The following RPS6KC1 variants were observed in gnomAD, a reference collection of about 807,000 sequenced individuals.
The protein encoded by RPS6KC1 is ribosomal protein S6 kinase C1.
RPS6KC1 carries 54 observed loss-of-function variants against 103.8 expected under a neutral mutation model. The observed-to-expected ratio is 0.52, with a 90% CI of 0.42 to 0.65. The LOEUF is 0.65. Among genes scored for constraint, RPS6KC1 ranks in the 30% least tolerant of loss-of-function variants. The pLI is 0.00. For missense variants in RPS6KC1, 1,151 were observed against 1,253.8 expected (o/e 0.92, Z 1.24); for synonymous variants, 439 against 438.7 (o/e 1.00, Z -0.01).
chr1:213,075,296 A>T (rs2079229275), intron 2 of RPS6KC1, among the ~76,000 whole-genome samples: 1 of 152,164 alleles, frequency 6.6e-6, no homozygotes, highest in East Asian at 1.9e-4. Context: ...TGCTTACATA[A>T]GCCCATCAAC....
the RPS6KC1 span, among the ~76,000 whole-genome samples, chr1:213,790,204 T>A: frequency 6.6e-6 from 1 of 152,174 alleles, no homozygotes; most frequent in Non-Finnish European, 1.5e-5. Context: ...GTGGTAGCTA[T>A]AAACTACCTT....
chr1:213,662,671 C>T, the RPS6KC1 span, among the ~76,000 whole-genome samples: 1 of 152,026 alleles, frequency 6.6e-6, no homozygotes, highest in Non-Finnish European at 1.5e-5. Context: ...AGAATGAAAC[C>T]GTCAGCCTGG....
At chr1:213,219,986 A>C (rs906557896) in intron 8 of RPS6KC1, among the ~76,000 whole-genome samples, 2 of 151,946 alleles carry the variant, frequency 1.3e-5, no homozygotes, top group Admixed American at 1.3e-4. Context: ...GTGCACATGT[A>C]CCCTAAAACT....
At chr1:213,227,429 T>C (rs150445780) in intron 8 of RPS6KC1, among the ~76,000 whole-genome samples, 3 of 152,328 alleles carry the variant, frequency 2.0e-5, no homozygotes, top group Non-Finnish European at 2.9e-5. Flanking sequence ...TACCACAAAG[T>C]TGGCAGCCTA....
At chr1:213,637,367 C>T in the RPS6KC1 span, among the ~76,000 whole-genome samples, 2 of 149,908 alleles carry the variant, frequency 1.3e-5, no homozygotes, top group African/African-American at 4.9e-5. Flanking sequence ...TGGAACCAAC[C>T]CAAATGTCCA....
chr1:213,731,709 T>C, the RPS6KC1 span, among the ~76,000 whole-genome samples: 1 of 152,170 alleles, frequency 6.6e-6, no homozygotes, highest in Non-Finnish European at 1.5e-5. Flanking sequence ...TGTGCATCTA[T>C]TATGCATCGA....
intron 12 of RPS6KC1, among the ~76,000 whole-genome samples, chr1:213,248,781 G>C (rs189077132): frequency 1.7e-4 from 26 of 152,314 alleles, no homozygotes; most frequent in African/African-American, 6.3e-4. Flanking sequence ...AAGCCAGAAT[G>C]CGATTTGTCT....
the RPS6KC1 span, among the ~76,000 whole-genome samples, chr1:213,361,415 A>G: frequency 6.6e-6 from 1 of 152,244 alleles, no homozygotes; most frequent in Non-Finnish European, 1.5e-5. Flanking sequence ...AAAGCACAGT[A>G]TTAGGGTGTG....
At chr1:213,617,253 C>T in the RPS6KC1 span, among the ~76,000 whole-genome samples, 1 of 152,120 alleles carries the variant, frequency 6.6e-6, no homozygotes, top group African/African-American at 2.4e-5. Flanking sequence ...TGGGGGGTGT[C>T]ACCACATCTA....
At chr1:213,767,760 C>T in the RPS6KC1 span, among the ~76,000 whole-genome samples, 1 of 152,206 alleles carries the variant, frequency 6.6e-6, no homozygotes, top group Non-Finnish European at 1.5e-5. Flanking sequence ...AACTCTGAGT[C>T]TCTGAGAAGG....
At chr1:213,116,235 T>G (rs1322871373) in intron 4 of RPS6KC1, among the ~76,000 whole-genome samples, 1 of 151,970 alleles carries the variant, frequency 6.6e-6, no homozygotes, top group Non-Finnish European at 1.5e-5. Flanking sequence ...ATCTGGGTGC[T>G]CCTGTATTGG....
At chr1:213,783,466 T>C in the RPS6KC1 span, among the ~76,000 whole-genome samples, 3 of 152,162 alleles carry the variant, frequency 2.0e-5, no homozygotes, top group Non-Finnish European at 4.4e-5. Flanking sequence ...TTGAAAGCTG[T>C]GTTTGTTGCC....
chr1:213,535,136 TC>T, the RPS6KC1 span, among the ~76,000 whole-genome samples: 1 of 152,242 alleles, frequency 6.6e-6, no homozygotes, highest in Admixed American at 6.5e-5. Context: ...TATTAATTCC[TC>T]TTTAGACATT....
At chr1:213,303,980 C>T in the RPS6KC1 span, among the ~76,000 whole-genome samples, 67 of 151,262 alleles carry the variant, frequency 4.4e-4, 1 homozygote, top group East Asian at 9.7e-3. Context: ...CCGAGGCAGG[C>T]GGATCACGAG....
the RPS6KC1 span, among the ~76,000 whole-genome samples, chr1:213,528,234 A>G: frequency 1.4e-4 from 22 of 152,318 alleles, no homozygotes; most frequent in East Asian, 4.1e-3. Context: ...ATTTACAATC[A>G]TGGCAGAAAA....
At chr1:213,725,687 C>G in the RPS6KC1 span, among the ~76,000 whole-genome samples, 1 of 152,156 alleles carries the variant, frequency 6.6e-6, no homozygotes, top group Admixed American at 6.5e-5. Context: ...GGTGGATAAC[C>G]CTGCTCAACC....
the RPS6KC1 span, among the ~76,000 whole-genome samples, chr1:213,653,718 G>A: frequency 6.6e-6 from 1 of 152,164 alleles, no homozygotes; most frequent in African/African-American, 2.4e-5. Flanking sequence ...TTTTGCTTAT[G>A]GTTGTAACGC....
the RPS6KC1 span, among the ~76,000 whole-genome samples, chr1:213,433,128 T>C: frequency 6.6e-6 from 1 of 152,202 alleles, no homozygotes; most frequent in Non-Finnish European, 1.5e-5. Context: ...GTCTGTTTCC[T>C]GGCCTTTTCC....
chr1:213,295,724 A>G, the RPS6KC1 span, among the ~76,000 whole-genome samples: 3 of 152,182 alleles, frequency 2.0e-5, no homozygotes, highest in Non-Finnish European at 4.4e-5. Context: ...CTTCATTCCT[A>G]CCTATATCAG....
Sources: allele counts gnomAD v4.1 joint callset (sites outside exome capture counted in the v4.1 genomes callset), GRCh38; gene constraint gnomAD v4.1.1; transcripts MANE v1.5; gene names NCBI Gene and HGNC (gene_info 2026-07-23, HGNC 2026-07-21).